Variants in MLLT3 observed in about 807,000 individuals in gnomAD.
MLLT3 encodes the protein MLLT3 super elongation complex subunit, also known as protein AF-9.
In MLLT3, 4 loss-of-function variants were observed where a neutral mutation model predicts 53.2. The ratio of observed to expected loss-of-function variants is 0.08; its 90% confidence interval spans 0.04 to 0.17. The LOEUF (loss-of-function observed/expected upper bound fraction) is 0.17, where lower values mean the gene tolerates loss of function less well. MLLT3 is among the 10% of genes least tolerant of loss of function. The probability of loss-of-function intolerance (pLI) is 1.00; values close to 1 mark genes in which losing one functional copy is unlikely to be tolerated. For missense variants in MLLT3, 569 were observed against 684.0 expected (o/e 0.83, Z 1.87); for synonymous variants, 283 against 230.6 (o/e 1.23, Z -2.06).
intron 2 of MLLT3, among the ~76,000 whole-genome samples, chr9:20,589,578 G>A (rs140360349): frequency 3.5e-5 from 4 of 113,694 alleles, no homozygotes; most frequent in Non-Finnish European, 5.6e-5. Flanking sequence ...AAAACTTAAA[G>A]TATAATAATA....
intron 2 of MLLT3, among the ~76,000 whole-genome samples, chr9:20,605,574 A>G (rs937289424): frequency 3.9e-5 from 6 of 152,056 alleles, no homozygotes; most frequent in Admixed American, 1.3e-4. Flanking sequence ...CCCCATTTCA[A>G]TATTTATGAT....
intron 2 of MLLT3, among the ~76,000 whole-genome samples, chr9:20,514,943 T>C (rs1817868403): frequency 2.2e-5 from 3 of 134,818 alleles, no homozygotes; most frequent in Admixed American, 7.8e-5. Flanking sequence ...GGAACAATTT[T>C]TTTTTTTTTT....
At chr9:20,398,598 G>T (rs1310025557) in intron 5 of MLLT3, among the ~76,000 whole-genome samples, 1 of 152,018 alleles carries the variant, frequency 6.6e-6, no homozygotes, top group Admixed American at 6.6e-5. Context: ...ACATTAGAGG[G>T]AATATAATCA....
At chr9:20,349,660 C>A (rs899146788) in intron 10 of MLLT3, among the ~76,000 whole-genome samples, 3 of 148,796 alleles carry the variant, frequency 2.0e-5, no homozygotes, top group African/African-American at 7.8e-5. Context: ...AGAAAAAAAG[C>A]CACTTAATTT....
intron 2 of MLLT3, among the ~76,000 whole-genome samples, chr9:20,598,122 A>C (rs749652612): frequency 3.3e-5 from 5 of 152,226 alleles, no homozygotes; most frequent in African/African-American, 4.8e-5. Context: ...ATTTCATTAC[A>C]TTGTTCAAGT....
chr9:20,362,698 T>C (rs1351384709), intron 7 of MLLT3: 1 of 144,418 alleles, frequency 6.9e-6, no homozygotes. Context: ...CAGTTTGGGT[T>C]AAGACCGCTT....
At chr9:20,445,040 A>G (rs1344368609) in intron 4 of MLLT3, among the ~76,000 whole-genome samples, 1 of 151,936 alleles carries the variant, frequency 6.6e-6, no homozygotes, top group Non-Finnish European at 1.5e-5. Flanking sequence ...GCAGTGTACA[A>G]AAATCAAGCC....
chr9:20,529,537 T>C (rs1367679291), intron 2 of MLLT3, among the ~76,000 whole-genome samples: 1 of 152,198 alleles, frequency 6.6e-6, no homozygotes, highest in Non-Finnish European at 1.5e-5. Context: ...GTTCATTTAA[T>C]TGACCTTTCT....
At chr9:20,390,313 A>C (rs1319330027) in intron 5 of MLLT3, among the ~76,000 whole-genome samples, 1 of 152,206 alleles carries the variant, frequency 6.6e-6, no homozygotes, top group Non-Finnish European at 1.5e-5. Flanking sequence ...AAAACTTAAA[A>C]CTTTGTTACA....
chr9:20,608,860 C>G (rs1820633660), intron 2 of MLLT3, among the ~76,000 whole-genome samples: 1 of 151,982 alleles, frequency 6.6e-6, no homozygotes, highest in African/African-American at 2.4e-5. Context: ...ATAAGAAGTT[C>G]CTGATATCCC....
At chr9:20,393,247 C>A (rs1217173862) in intron 5 of MLLT3, among the ~76,000 whole-genome samples, 1 of 152,128 alleles carries the variant, frequency 6.6e-6, no homozygotes, top group Non-Finnish European at 1.5e-5. Flanking sequence ...GGTATAATAA[C>A]CAGGTAGGAC....
chr9:20,346,700 TC>T, intron 10 of MLLT3, 126 bp from the exon 11 acceptor site: 2 of 865,058 alleles, frequency 2.3e-6, no homozygotes, highest in Non-Finnish European at 1.8e-6. Flanking sequence ...AGCAACAAGG[TC>T]CCATACCATG....
At chr9:20,511,179 G>A (rs371635785) in intron 2 of MLLT3, among the ~76,000 whole-genome samples, 1 of 152,142 alleles carries the variant, frequency 6.6e-6, no homozygotes, top group South Asian at 2.1e-4. Context: ...GTATGTGTGT[G>A]TGCATGTTCA....
intron 8 of MLLT3, among the ~76,000 whole-genome samples, chr9:20,356,961 A>T (rs1380250904): frequency 6.6e-6 from 1 of 152,124 alleles, no homozygotes; most frequent in African/African-American, 2.4e-5. Context: ...TCCTTCTTTG[A>T]TCTCTCCCTG....
chr9:20,379,186 C>T (rs571366559), intron 5 of MLLT3, among the ~76,000 whole-genome samples: 4 of 152,016 alleles, frequency 2.6e-5, no homozygotes, highest in Non-Finnish European at 4.4e-5. Context: ...GGGGCAAGAA[C>T]CTTTAACATC....
At chr9:20,509,294 C>A (rs1413121103) in intron 2 of MLLT3, among the ~76,000 whole-genome samples, 1 of 152,030 alleles carries the variant, frequency 6.6e-6, no homozygotes, top group East Asian at 1.9e-4. Context: ...AGTATGTTCA[C>A]CATGGACAGT....
At chr9:20,599,621 A>G (rs1003871065) in intron 2 of MLLT3, among the ~76,000 whole-genome samples, 2 of 152,208 alleles carry the variant, frequency 1.3e-5, no homozygotes, top group Non-Finnish European at 2.9e-5. Context: ...AGCATGGTAT[A>G]AACAGAGTAA....
chr9:20,427,110 C>T (rs190135892), intron 4 of MLLT3, among the ~76,000 whole-genome samples: 5 of 151,992 alleles, frequency 3.3e-5, no homozygotes, highest in Admixed American at 3.3e-4. Flanking sequence ...TTCCTGAACA[C>T]AAAGAAACAA....
At chr9:20,463,733 T>A (rs1005836733) in intron 2 of MLLT3, among the ~76,000 whole-genome samples, 2 of 152,276 alleles carry the variant, frequency 1.3e-5, no homozygotes, top group South Asian at 2.1e-4. Flanking sequence ...ACAGACCTAA[T>A]TTTTTATTGA....
Sources: gnomAD v4.1 joint callset for allele counts (sites outside exome capture counted in the v4.1 genomes callset) on GRCh38, gnomAD v4.1.1 for gene constraint, MANE v1.5 for transcripts, NCBI Gene and HGNC (gene_info 2026-07-23, HGNC 2026-07-21) for gene names.